The following SAFB variants were observed in gnomAD, a reference collection of about 807,000 sequenced individuals.
The protein encoded by SAFB is scaffold attachment factor B, also known as scaffold attachment factor B1.
SAFB carries 15 observed loss-of-function variants against 101.6 expected under a neutral mutation model. The observed-to-expected ratio is 0.15, with a 90% CI of 0.10 to 0.23. The LOEUF (loss-of-function observed/expected upper bound fraction) is 0.23, where lower values mean the gene tolerates loss of function less well. SAFB is among the 10% of genes least tolerant of loss of function. The pLI is 1.00. For missense variants in SAFB, 930 were observed against 1,104.1 expected, an observed-to-expected ratio of 0.84 and a Z score of 2.23; for synonymous variants, 449 against 407.5, an observed-to-expected ratio of 1.10 and a Z score of -1.23.
chr19:5,648,353 A>G (rs2053868425), intron 6 of SAFB: 1 of 384,988 alleles, frequency 2.6e-6, no homozygotes, highest in Admixed American at 4.3e-5. Context: ...CTTGAGAGCT[A>G]ATACCTCTGC....
At position 5,657,277 on chromosome 19, in the gene SAFB, G is replaced by C; in HGVS notation, c.1792G>C (p.Glu598Gln). ...KSQDRKSASR[E>Q]KRSVVSFDKV... ...CCAGGATCGCAAATCAGCCAGCAGA[G>C]AGAAGCGGTCCGTCGTGTCCTTTGA... Residue 598 changes from glutamate to glutamine, a missense_variant, in exon 14 of 21, where the codon GAG becomes CAG. This residue lies in a region of SAFB where 159 missense variants were observed against 234.1 expected (regional missense o/e 0.68). Coordinates refer to ENST00000588852, the MANE Select transcript of SAFB (RefSeq NM_001201338.2). 6.2e-7 allele frequency: 1 copy of C among 1,614,112 alleles called. No homozygotes were observed. Among genetic ancestry groups the C allele is most frequent in the South Asian group, 1.1e-5 (1 of 91,072 alleles).
intron 15 of SAFB, among the ~76,000 whole-genome samples, chr19:5,662,774 G>A (rs1042138968): frequency 6.7e-6 from 1 of 148,226 alleles, no homozygotes; most frequent in Admixed American, 6.8e-5. Flanking sequence ...CCTAGTATTC[G>A]AGATTACAGG....
rs1205583846 is a variant in SAFB, at chr19:5,645,410, G to T, written c.609+11G>T. On this transcript the variant is annotated intron_variant, in intron 5 of 20. Transcript: ENST00000588852. ...TTCACTATATTACAGGTAAACTGTT[G>T]TATGTCTCAGTACTTTTAGAATGAA... 1 of 1,232,890 alleles carries T rather than the reference G, an allele frequency of 8.1e-7. No homozygotes were observed. The highest frequency in any genetic ancestry group is 1.2e-5 in the South Asian group (1 of 81,972). The allele number at this position is 1,232,890 out of a possible 1,614,324, so 76.4% of individuals were successfully genotyped here.
chr19:5,647,507 G>A (rs755810227), intron 5 of SAFB, among the ~76,000 whole-genome samples: 6 of 152,198 alleles, frequency 3.9e-5, no homozygotes, highest in Non-Finnish European at 8.8e-5. Context: ...ACACTGATTG[G>A]AAGAGGAGAT....
In SAFB at chr19:5,667,171, G is replaced by T; in HGVS notation, c.2453+7G>T. ...GGCTGCCTCCTCCCCCCAGGTTTGTGTCCCACACCCGACAGTACCTGACCC... is the reference window on the plus strand; with the variant it reads ...GGCTGCCTCCTCCCCCCAGGTTTGTTTCCCACACCCGACAGTACCTGACCC... On this transcript the variant is annotated splice_region_variant and intron_variant, in intron 18 of 20. Transcript: ENST00000588852. The surrounding 1 kb of genome is among the most constrained non-coding windows in gnomAD (Gnocchi z 4.0). The T allele has an allele frequency of 6.5e-7, 1 of 1,531,986 alleles. No individual in the cohort carries two copies. Among genetic ancestry groups the T allele is most frequent in the South Asian group, 1.1e-5 (1 of 88,370 alleles). 94.9% of individuals were successfully genotyped at this position (1,531,986 alleles called of 1,614,324 possible).
In SAFB at chr19:5,658,253, C is replaced by T. The variant is rs562606939; in HGVS notation, c.1862+906C>T. 6.6e-5 allele frequency among the ~76,000 whole-genome samples: 10 copies of T among 152,322 alleles called. No individual in the cohort carries two copies. In the East Asian group the frequency reaches 1.4e-3, roughly 21 times the overall value. On this transcript the variant is annotated intron_variant, in intron 14 of 20. Coordinates refer to ENST00000588852, the MANE Select transcript of SAFB (RefSeq NM_001201338.2). Reference sequence around the variant, plus strand: ...CCTCAAGTGATCTGCCTGCCTCGGCCTCCCAAAGTGCAGGGATTACAGGCA... The same window carrying T: ...CCTCAAGTGATCTGCCTGCCTCGGCTTCCCAAAGTGCAGGGATTACAGGCA...
Position 5,642,273 on chromosome 19 carries a change from G to T in SAFB, c.546+327G>T, listed in dbSNP as rs1304934496. On this transcript the variant is annotated intron_variant, in intron 4 of 20. Coordinates refer to ENST00000588852, the MANE Select transcript of SAFB (RefSeq NM_001201338.2). ...GCATTGAACTAGGAAGAGGTTAGAA[G>T]TTGGTGTTTTCCTGTTAAGAAGCAA... Among the ~76,000 whole-genome samples the T allele has an allele frequency of 3.3e-5, 5 of 152,204 alleles. No individual in the cohort carries two copies. The South Asian group carries it at 8.3e-4, about 25-fold the overall frequency.
chr19:5,633,342 C>T (rs2053528704), intron 2 of SAFB, among the ~76,000 whole-genome samples: 1 of 152,216 alleles, frequency 6.6e-6, no homozygotes, highest in Non-Finnish European at 1.5e-5. Flanking sequence ...GTCATTTCCA[C>T]ATGTTCATGC....
In SAFB at chr19:5,668,322, C is replaced by T. The variant is rs770866189; in HGVS notation, c.*31C>T. 6 of 1,601,554 alleles carry T rather than the reference C, an allele frequency of 3.7e-6. No homozygotes were observed. The African/African-American group carries it at 6.7e-5, about 18-fold the overall frequency. ...TGGAATCCTGTGTCCTGTCTCGTGGCAACAAGGCTATGTTCTGTTAGGAGT... is the reference window on the plus strand; with the variant it reads ...TGGAATCCTGTGTCCTGTCTCGTGGTAACAAGGCTATGTTCTGTTAGGAGT... On this transcript the variant is annotated 3_prime_UTR_variant, in exon 21 of 21. Transcript: ENST00000588852.
chr19:5,660,182 G>A (rs564178720), intron 14 of SAFB, among the ~76,000 whole-genome samples: 1 of 152,148 alleles, frequency 6.6e-6, no homozygotes, highest in East Asian at 1.9e-4. Flanking sequence ...TCAAGTTTCT[G>A]ATATAAAACT....
Position 5,657,269 on chromosome 19 carries a change from C to G in SAFB, c.1784C>G (p.Ala595Gly). The G allele has an allele frequency of 3.1e-6, 5 of 1,613,986 alleles. No individual in the cohort carries two copies. The highest frequency in any genetic ancestry group is 4.2e-6 in the Non-Finnish European group (5 of 1,179,900). ...RASKSQDRKSASREKRSVVSF... is the reference protein window; with the variant it reads ...RASKSQDRKSGSREKRSVVSF... ...TCCAAAAGCCAGGATCGCAAATCAG[C>G]CAGCAGAGAGAAGCGGTCCGTCGTG... The change falls in exon 14 of 21, where the codon GCC becomes GGC. Residue 595 changes from alanine (A) to glycine (G), a missense_variant. Transcript: ENST00000588852.
chr19:5,631,758 A>C (rs2145406272), intron 2 of SAFB, among the ~76,000 whole-genome samples: 1 of 152,334 alleles, frequency 6.6e-6, no homozygotes, highest in East Asian at 1.9e-4. Flanking sequence ...CAAAATAATT[A>C]TCAGGGGCTG....
At chr19:5,664,630 T>C in intron 17 of SAFB, 191 bp downstream of exon 17, 1 of 561,294 alleles carries the variant, frequency 1.8e-6, no homozygotes. Flanking sequence ...TGGCTGTCAG[T>C]CCAAACAGTT....
At chr19:5,625,919 A>G (rs571753599) in intron 1 of SAFB, among the ~76,000 whole-genome samples, 3 of 152,306 alleles carry the variant, frequency 2.0e-5, no homozygotes, top group African/African-American at 4.8e-5. Context: ...TTCTGTCCAC[A>G]CAGTACTGAG....
At chr19:5,663,896 T>G in intron 15 of SAFB, 126 bp from the exon 16 acceptor site, 22 of 1,047,970 alleles carry the variant, frequency 2.1e-5, no homozygotes, top group Non-Finnish European at 3.1e-5. Context: ...TTGCCTCCTA[T>G]AGGAGAGAAC....
chr19:5,641,389 C>T (rs940358903), intron 2 of SAFB, among the ~76,000 whole-genome samples: 5 of 151,868 alleles, frequency 3.3e-5, no homozygotes, highest in African/African-American at 1.2e-4. Flanking sequence ...TTCCACAGCT[C>T]AGACAAGAAC....
chr19:5,639,974 A>T (rs1161149921), intron 2 of SAFB, among the ~76,000 whole-genome samples: 1 of 151,810 alleles, frequency 6.6e-6, no homozygotes, highest in African/African-American at 2.4e-5. Flanking sequence ...AGTAGCTGGG[A>T]TTACAGTCAT....
In SAFB at chr19:5,664,381, T is replaced by A. The variant is rs1411783108; in HGVS notation, c.2292-16T>A. ...CTCTTCTTCCCCTTACGGTTTGATT[T>A]AAATTGCCTTTTCAGGAGAGAAGGT... On this transcript the variant is annotated splice_polypyrimidine_tract_variant and intron_variant, in intron 16 of 20. Coordinates refer to ENST00000588852, the MANE Select transcript of SAFB (RefSeq NM_001201338.2). The A allele has an allele frequency of 6.2e-7, 1 of 1,610,438 alleles. No individual in the cohort carries two copies. Among genetic ancestry groups the A allele is most frequent in the Non-Finnish European group, 8.5e-7 (1 of 1,176,588 alleles).
In SAFB at chr19:5,667,170, T is replaced by A; in HGVS notation, c.2453+6T>A. On this transcript the variant is annotated splice_donor_region_variant and intron_variant, in intron 18 of 20. Coordinates refer to ENST00000588852, the MANE Select transcript of SAFB (RefSeq NM_001201338.2). This position sits in a 1 kb window ranked among gnomAD's most constrained non-coding sequence, Gnocchi z 4.0. ...GGGCTGCCTCCTCCCCCCAGGTTTG[T>A]GTCCCACACCCGACAGTACCTGACC... is the stretch of plus-strand genomic sequence containing the variant. 6.5e-7 allele frequency: 1 copy of A among 1,532,416 alleles called. No individual in the cohort carries two copies. The highest frequency in any genetic ancestry group is 9.0e-7 in the Non-Finnish European group (1 of 1,110,518). The allele number at this position is 1,532,416 out of a possible 1,614,324, so 94.9% of individuals were successfully genotyped here.
Sources: gnomAD v4.1 joint callset for allele counts (sites outside exome capture counted in the v4.1 genomes callset) on GRCh38, gnomAD v4.1.1 for gene constraint, gnomAD v4.1.1 regional missense constraint, Gnocchi (gnomAD v3.1) non-coding constraint, MANE v1.5 for transcripts, NCBI Gene and HGNC (gene_info 2026-07-23, HGNC 2026-07-21) for gene names.